The following NQO2 variants were observed in gnomAD, a reference collection of about 807,000 sequenced individuals.
NQO2 encodes the protein ribosyldihydronicotinamide dehydrogenase [quinone].
Under a neutral mutation model 22.0 loss-of-function variants are expected in NQO2, and 18 were observed. The observed-to-expected ratio is 0.82, with a 90% CI of 0.56 to 1.21. The LOEUF (loss-of-function observed/expected upper bound fraction) is 1.21, where lower values mean the gene tolerates loss of function less well. Among genes scored for constraint, NQO2 ranks in the 50% most tolerant of loss-of-function variants. The pLI, the probability that NQO2 is intolerant of heterozygous loss-of-function variation, is 0.00. For synonymous variants in NQO2, 106 were observed against 110.8 expected (o/e 0.96, Z 0.28); for missense variants, 267 against 286.9 (o/e 0.93, Z 0.50).
chr6:3,012,500 G>T, intron 3 of NQO2, 44 bp from the exon 4 acceptor site: 1 of 1,611,210 alleles, frequency 6.2e-7, no homozygotes, highest in South Asian at 1.1e-5. Flanking sequence ...ATGGGCTGTG[G>T]ATGCCCACCT....
At position 3,009,051 on chromosome 6, in the gene NQO2, G is replaced by A. The variant is rs546618262; in HGVS notation, c.8-974G>A. 3.9e-5 allele frequency among the ~76,000 whole-genome samples: 6 copies of A among 152,260 alleles called. No individual in the cohort carries two copies. The East Asian group carries it at 7.7e-4, about 20-fold the overall frequency. ...AGCCAGGGTTTGAGAGCAGACAACC[G>A]ATCTGACCAAAATTTATTAGGCAGG... is the stretch of plus-strand genomic sequence containing the variant. On this transcript the variant is annotated intron_variant, in intron 2 of 6. Coordinates refer to ENST00000380455, the MANE Select transcript of NQO2 (RefSeq NM_000904.6).
chr6:3,004,423 G>T lies in NQO2; in HGVS notation c.-85-2045G>T, dbSNP rs1394713807. 2.8e-5 allele frequency: 28 copies of T among 985,828 alleles called. No individual in the cohort carries two copies. The Middle Eastern group carries it at 1.6e-3, about 55-fold the overall frequency. The allele number at this position is 985,828 out of a possible 1,614,324, so 61.1% of individuals were successfully genotyped here. The stretch of plus-strand genomic sequence containing the variant: ...TTGGGGAGTGACAGTGCCCCACTCT[G>T]TTAAGTCCCATGCCTGCCCCCAACT... On this transcript the variant is annotated intron_variant, in intron 1 of 6. Coordinates refer to ENST00000380455, the MANE Select transcript of NQO2 (RefSeq NM_000904.6).
At chr6:3,004,520 T>C in intron 1 of NQO2, 1 of 985,564 alleles carries the variant, frequency 1.0e-6, no homozygotes, top group Non-Finnish European at 1.2e-6. Context: ...TGGAGCCCAC[T>C]CCTCAGCACC....
chr6:3,010,831 C>A (rs1053529285), intron 3 of NQO2, among the ~76,000 whole-genome samples: 5 of 152,090 alleles, frequency 3.3e-5, no homozygotes, highest in African/African-American at 1.2e-4. Context: ...ACCATGCTAT[C>A]CCCTTTGGAA....
chr6:3,001,329 G>A (rs915650617), intron 1 of NQO2, among the ~76,000 whole-genome samples: 4 of 152,068 alleles, frequency 2.6e-5, no homozygotes, highest in African/African-American at 9.7e-5. Flanking sequence ...GACCTCAGGT[G>A]ATCCGCCTGC....
rs140841244 is a variant in NQO2, at chr6:3,015,606, T to C, written c.380T>C (p.Phe127Ser). The C allele has an allele frequency of 6.2e-7, 1 of 1,614,212 alleles. No individual in the cohort carries two copies. The highest frequency in any genetic ancestry group is 1.1e-5 in the South Asian group (1 of 91,080). The change falls in exon 5 of 7, where the codon TTT becomes TCT. Residue 127 changes from phenylalanine (F) to serine (S), a missense_variant. Transcript: ENST00000380455. ...MDRVLCQGFA[F>S]DIPGFYDSGL... The stretch of plus-strand genomic sequence containing the variant: ...AGGGTGCTGTGCCAGGGCTTTGCCT[T>C]TGACATCCCAGGATTCTACGATTCC...
chr6:3,005,325 G>A (rs6596929), intron 1 of NQO2, among the ~76,000 whole-genome samples: 93,207 of 152,002 alleles, frequency 0.61, 28,737 homozygotes, highest in Non-Finnish European at 0.64. Flanking sequence ...TGGGGGCACA[G>A]CACCTCTCCA....
intron 3 of NQO2, among the ~76,000 whole-genome samples, chr6:3,011,160 G>C (rs979233260): frequency 4.6e-5 from 7 of 152,142 alleles, no homozygotes; most frequent in Admixed American, 3.3e-4. Context: ...TGGACTCTCT[G>C]ACCAAGAATT....
At chr6:3,002,294 A>G (rs1756760645) in intron 1 of NQO2, 3 of 894,796 alleles carry the variant, frequency 3.4e-6, no homozygotes. Context: ...AAGGTAAATC[A>G]TTTCATATCA....
intron 3 of NQO2, chr6:3,012,269 G>A: frequency 2.0e-6 from 1 of 489,670 alleles, no homozygotes; most frequent in Non-Finnish European, 2.7e-6. Context: ...TTTGCTCTCT[G>A]GTAAATTGGG....
Position 3,015,573 on chromosome 6 carries a change from G to GGATGGAT in NQO2, c.348_354dup (p.Arg119AspfsTer3). The GGATGGAT allele has an allele frequency of 6.2e-7, 1 of 1,614,188 alleles. No homozygotes were observed. Among genetic ancestry groups the GGATGGAT allele is most frequent in the Non-Finnish European group, 8.5e-7 (1 of 1,180,026 alleles). ...AGCGTGCCAGCCATCCTGAAGGGCT[G>GGATGGAT]GATGGATAGGGTGCTGTGCCAGGGC... On this transcript the variant is annotated frameshift_variant, in exon 5 of 7. Transcript: ENST00000380455. LOFTEE classifies it high-confidence loss of function.
intron 1 of NQO2, chr6:3,005,731 G>T (rs1581320874): frequency 3.5e-5 from 34 of 985,382 alleles, no homozygotes; most frequent in Non-Finnish European, 4.1e-5. Flanking sequence ...CTCCCCTGGG[G>T]AGAACTCACG....
chr6:3,015,162 A>G (rs763631608), intron 4 of NQO2: 1 of 1,307,190 alleles, frequency 7.6e-7, no homozygotes, highest in South Asian at 1.2e-5. Flanking sequence ...AACACACCCC[A>G]GGCAGGCGAA....
At chr6:3,000,501 G>C (rs1253224195) in intron 1 of NQO2, 2 of 151,578 alleles carry the variant, frequency 1.3e-5, no homozygotes, top group Non-Finnish European at 2.9e-5. Context: ...TGAAAAATCA[G>C]CTTCTCTAAC....
chr6:3,009,977 C>G lies in NQO2; in HGVS notation c.8-48C>G, dbSNP rs781049406. ...TCATCTTAGTCTTCATTGAATTTAA[C>G]AGAGAGAGGTTGTTCTTCAAGAGGA... On this transcript the variant is annotated intron_variant, in intron 2 of 6. Coordinates refer to ENST00000380455, the MANE Select transcript of NQO2 (RefSeq NM_000904.6). 11 of 1,561,644 alleles carry G rather than the reference C, an allele frequency of 7.0e-6. No individual in the cohort carries two copies. In the African/African-American group the frequency reaches 1.4e-4, roughly 19 times the overall value.
chr6:3,018,679 G>C (rs935488101), intron 6 of NQO2, among the ~76,000 whole-genome samples: 1 of 152,092 alleles, frequency 6.6e-6, no homozygotes, highest in Non-Finnish European at 1.5e-5. Flanking sequence ...GAAAAAAAGT[G>C]GTCCTCTTTG....
chr6:3,011,412 A>G (rs1757130895), intron 3 of NQO2, among the ~76,000 whole-genome samples: 1 of 152,202 alleles, frequency 6.6e-6, no homozygotes, highest in African/African-American at 2.4e-5. Flanking sequence ...CACAGAGGAG[A>G]AAAAAGAAAA....
chr6:3,014,234 C>A (rs1757248567), intron 4 of NQO2, among the ~76,000 whole-genome samples: 2 of 152,278 alleles, frequency 1.3e-5, no homozygotes, highest in South Asian at 4.1e-4. Context: ...AGGCTTGCCT[C>A]TGCACACCCC....
In NQO2 at chr6:3,000,852, C is replaced by CTT. The variant is rs146718236; in HGVS notation, c.-86+776_-86+777dup. The stretch of plus-strand genomic sequence containing the variant: ...GCTCCCGGCCCTCTTTTTCTTTTTT[C>CTT]TTTTTTTTTTAGAAGAGTCTCACTC... On this transcript the variant is annotated intron_variant, in intron 1 of 6. Coordinates refer to ENST00000380455, the MANE Select transcript of NQO2 (RefSeq NM_000904.6). Among the ~76,000 whole-genome samples the CTT allele has an allele frequency of 2.6e-4, 37 of 143,556 alleles. No individual in the cohort carries two copies. In the East Asian group the frequency reaches 5.3e-3, roughly 21 times the overall value. The allele number at this position is 143,556 out of a possible 152,430, so 94.2% of individuals were successfully genotyped here.
Sources: allele counts gnomAD v4.1 joint callset (sites outside exome capture counted in the v4.1 genomes callset), GRCh38; gene constraint gnomAD v4.1.1; transcripts MANE v1.5; gene names NCBI Gene and HGNC (gene_info 2026-07-23, HGNC 2026-07-21).